PCDH15: variants seen among roughly 807,000 people sequenced by gnomAD.
PCDH15 encodes the protein protocadherin-15.
PCDH15 carries 129 observed loss-of-function variants against 178.5 expected under a neutral mutation model. The observed-to-expected ratio is 0.72, with a 90% CI of 0.63 to 0.84. The LOEUF is 0.84. PCDH15 is among the 40% of genes least tolerant of loss of function. The pLI is 0.00. For synonymous variants in PCDH15, 800 were observed against 732.0 expected (o/e 1.09, Z -1.50); for missense variants, 2,230 against 2,099.9 (o/e 1.06, Z -1.21).
At chr10:54,578,820 C>T (rs921165224) in intron 2 of PCDH15, among the ~76,000 whole-genome samples, 38 of 152,202 alleles carry the variant, frequency 2.5e-4, no homozygotes, top group African/African-American at 8.4e-4. Flanking sequence ...AGAAATCTTG[C>T]AAGCCAGAAG....
intron 3 of PCDH15, among the ~76,000 whole-genome samples, chr10:54,835,918 A>T (rs750635012): frequency 1.3e-5 from 2 of 152,188 alleles, no homozygotes; most frequent in Non-Finnish European, 2.9e-5. Flanking sequence ...ACAAACAGAC[A>T]TCACAAAATT....
At chr10:54,608,416 G>C (rs1442033016) in intron 2 of PCDH15, among the ~76,000 whole-genome samples, 1 of 151,950 alleles carries the variant, frequency 6.6e-6, no homozygotes, top group Non-Finnish European at 1.5e-5. Context: ...AGACCCGCCT[G>C]GGCAGTTTAG....
At chr10:55,186,265 CTA>C (rs745657852) in intron 1 of PCDH15, among the ~76,000 whole-genome samples, 15 of 151,214 alleles carry the variant, frequency 9.9e-5, no homozygotes, top group East Asian at 5.8e-4. Flanking sequence ...TTATTCCACT[CTA>C]TGTTTTTTAT....
intron 2 of PCDH15, among the ~76,000 whole-genome samples, chr10:54,583,211 A>T (rs2091193266): frequency 1.3e-5 from 2 of 152,132 alleles, no homozygotes; most frequent in South Asian, 4.1e-4. Context: ...TTGAATTTAT[A>T]CCCAAAAATT....
At chr10:54,091,436 G>C (rs1249310897) in intron 15 of PCDH15, among the ~76,000 whole-genome samples, 1 of 152,136 alleles carries the variant, frequency 6.6e-6, no homozygotes, top group Non-Finnish European at 1.5e-5. Flanking sequence ...GAAATTCCCT[G>C]TCCAGACAGG....
chr10:55,174,209 T>C (rs965875421), intron 1 of PCDH15, among the ~76,000 whole-genome samples: 5 of 152,158 alleles, frequency 3.3e-5, no homozygotes, highest in East Asian at 3.9e-4. Flanking sequence ...TGAAAACTAC[T>C]ACCAATTGAA....
intron 14 of PCDH15, among the ~76,000 whole-genome samples, chr10:54,139,973 G>C (rs998305653): frequency 3.9e-5 from 6 of 152,068 alleles, no homozygotes; most frequent in Non-Finnish European, 8.8e-5. Flanking sequence ...AGCATGTCAT[G>C]GATGGTCTGT....
chr10:55,463,967 AAGAAAGAGAAAGAAAG>A (rs1839757008), intron 2 of PCDH15, among the ~76,000 whole-genome samples: 2 of 47,166 alleles, frequency 4.2e-5, no homozygotes, highest in African/African-American at 3.2e-4. Flanking sequence ...GAAAGAAAGA[AAGAAAGAGAAAGAAAG>A]AAAGAAAGAG....
chr10:54,773,143 G>T (rs56286694), intron 1 of PCDH15, among the ~76,000 whole-genome samples: 1 of 152,158 alleles, frequency 6.6e-6, no homozygotes, highest in Admixed American at 6.5e-5. Context: ...GCTAATGGAT[G>T]CTAGGCTTAA....
At chr10:55,295,213 T>C (rs1398849796) in intron 1 of PCDH15, among the ~76,000 whole-genome samples, 1 of 152,228 alleles carries the variant, frequency 6.6e-6, no homozygotes, top group Non-Finnish European at 1.5e-5. Context: ...TTCTCCCTTT[T>C]TTATTCCTAC....
chr10:54,790,311 C>G (rs968011039), intron 1 of PCDH15, among the ~76,000 whole-genome samples: 1 of 151,610 alleles, frequency 6.6e-6, no homozygotes, highest in Non-Finnish European at 1.5e-5. Context: ...TAAAAATCCA[C>G]ACACACATTT....
chr10:54,875,158 A>G (rs1178244247), intron 3 of PCDH15, among the ~76,000 whole-genome samples: 2 of 152,196 alleles, frequency 1.3e-5, no homozygotes, highest in Non-Finnish European at 2.9e-5. Flanking sequence ...TAGTTCTCAC[A>G]ATATTTCAAA....
intron 2 of PCDH15, among the ~76,000 whole-genome samples, chr10:55,160,361 T>C (rs780380924): frequency 1.3e-5 from 2 of 151,794 alleles, no homozygotes; most frequent in East Asian, 3.9e-4. Context: ...GGATTTGTCT[T>C]GGTGGGAGGT....
chr10:53,873,817 A>C (rs556044457), intron 26 of PCDH15, among the ~76,000 whole-genome samples: 5 of 152,310 alleles, frequency 3.3e-5, no homozygotes, highest in Admixed American at 1.3e-4. Flanking sequence ...AGTTAAGTTC[A>C]TGATGGCAGA....
At chr10:55,442,485 A>T (rs200978254) in intron 2 of PCDH15, among the ~76,000 whole-genome samples, 2 of 91,742 alleles carry the variant, frequency 2.2e-5, no homozygotes, top group African/African-American at 7.8e-5. Flanking sequence ...TATATATTAT[A>T]TATATATATA....
rs181922969 is a variant in PCDH15, at chr10:55,202,961, A to T, written c.-155-36310T>A. Among the ~76,000 whole-genome samples the T allele has an allele frequency of 9.0e-4, 137 of 152,286 alleles. 1 individual carries two copies. The highest frequency in any genetic ancestry group is 2.9e-3 in the African/African-American group (121 of 41,524). ...AATCTCTTTCCTTCATAAATCATCC[A>T]GTCTTGGGTATTTTATAGCAGTGTG... is the stretch of plus-strand genomic sequence containing the variant. On this transcript the variant is annotated intron_variant, in intron 1 of 5. Transcript: ENST00000458638.
chr10:53,995,884 C>G, intron 20 of PCDH15, 119 bp from the exon 21 acceptor site: 2 of 885,714 alleles, frequency 2.3e-6, no homozygotes, highest in East Asian at 5.0e-5. Context: ...GCCTTCCATC[C>G]TCTCAATTCC....
At chr10:55,500,315 A>C (rs1840627486) in intron 2 of PCDH15, among the ~76,000 whole-genome samples, 1 of 151,778 alleles carries the variant, frequency 6.6e-6, no homozygotes. Flanking sequence ...GGACTAAGTC[A>C]GTTGAAGCAA....
At chr10:55,378,938 G>T (rs2488829) in intron 2 of PCDH15, among the ~76,000 whole-genome samples, 6,405 of 145,504 alleles carry the variant, frequency 0.044, 251 homozygotes, top group African/African-American at 0.11. Context: ...CTTATAAATA[G>T]AATGAAAATA....
Sources: allele counts gnomAD v4.1 joint callset (sites outside exome capture counted in the v4.1 genomes callset), GRCh38; gene constraint gnomAD v4.1.1; transcripts MANE v1.5; gene names NCBI Gene and HGNC (gene_info 2026-07-23, HGNC 2026-07-21).